Variants in PRDM16 observed in about 807,000 individuals in gnomAD.
PRDM16 encodes the protein PR/SET domain 16, also known as histone-lysine N-methyltransferase PRDM16.
In PRDM16, 23 loss-of-function variants were observed where a neutral mutation model predicts 110.6. The ratio of observed to expected loss-of-function variants is 0.21; its 90% CI spans 0.15 to 0.29. The LOEUF is 0.29. Ranked by LOEUF, PRDM16 falls within the 10% of genes least tolerant of loss-of-function variation. The pLI is 1.00. For missense variants in PRDM16, 1,615 were observed against 1,794.3 expected (o/e 0.90, Z 1.81); for synonymous variants, 799 against 781.8 (o/e 1.02, Z -0.37).
intron 2 of PRDM16, among the ~76,000 whole-genome samples, chr1:3,240,727 G>A (rs183996699): frequency 3.3e-5 from 5 of 152,322 alleles, no homozygotes; most frequent in Admixed American, 3.3e-4. Context: ...CTGGGGCGGC[G>A]CCAGAACTCC....
intron 3 of PRDM16, among the ~76,000 whole-genome samples, chr1:3,365,925 CGCACACATGCACACAAACGCACACGCAT>C (rs1448200777): frequency 3.3e-5 from 4 of 123,062 alleles, no homozygotes; most frequent in African/African-American, 1.5e-4. Flanking sequence ...CATACACACA[CGCACACATGCACACAAACGCACACGCAT>C]GCACACATGC....
At chr1:3,368,919 A>T (rs140566685) in intron 3 of PRDM16, among the ~76,000 whole-genome samples, 22 of 152,380 alleles carry the variant, frequency 1.4e-4, no homozygotes, top group African/African-American at 4.6e-4. Flanking sequence ...AATTCCGGGT[A>T]ATCGGCCGCA....
chr1:3,328,056 G>A (rs1641956483), intron 3 of PRDM16, among the ~76,000 whole-genome samples: 1 of 152,358 alleles, frequency 6.6e-6, no homozygotes, highest in East Asian at 1.9e-4. Flanking sequence ...AGACCTGGGG[G>A]ACTCGGGCTG....
chr1:3,356,301 G>T (rs1372324173), intron 3 of PRDM16, among the ~76,000 whole-genome samples: 6 of 152,180 alleles, frequency 3.9e-5, no homozygotes, highest in African/African-American at 1.4e-4. Context: ...ATCTCTAAAG[G>T]TGACAGTGCC....
intron 5 of PRDM16, among the ~76,000 whole-genome samples, chr1:3,401,549 T>C (rs1034596390): frequency 7.3e-6 from 1 of 136,804 alleles, no homozygotes; most frequent in Non-Finnish European, 1.7e-5. Flanking sequence ...TACAAGCATG[T>C]GTACACATAT....
intron 4 of PRDM16, chr1:3,394,417 C>G (rs1303231874): frequency 1.6e-5 from 7 of 447,266 alleles, no homozygotes; most frequent in Non-Finnish European, 3.1e-5. Flanking sequence ...GGAGCGGAGC[C>G]GAGAAGCAGG....
intron 1 of PRDM16, among the ~76,000 whole-genome samples, chr1:3,091,492 C>T (rs570877602): frequency 2.6e-4 from 40 of 152,340 alleles, no homozygotes; most frequent in South Asian, 2.1e-3. Flanking sequence ...GGGGTTGGGC[C>T]GAATCCACTC....
rs367915370 is a variant in PRDM16 at position 3,255,877 on chromosome 1, C to T, written c.438+11740C>T. 6.8e-5 allele frequency among the ~76,000 whole-genome samples: 10 copies of T among 147,920 alleles called. No homozygotes were observed. The highest frequency in any genetic ancestry group is 3.9e-4 in the East Asian group (2 of 5,124). ...CGACACCCGAAGCCAACCCCGTGGC[C>T]GCACTGACACCCGAAGCCAACCCCG... On this transcript the variant is annotated intron_variant, in intron 3 of 16. Coordinates refer to ENST00000270722, the MANE Select transcript of PRDM16 (RefSeq NM_022114.4). This position sits in a 1 kb window ranked among gnomAD's most constrained non-coding sequence, Gnocchi z 4.7.
rs984874516 is a variant in PRDM16, at chr1:3,209,672, G to T, written c.387+23198G>T. Among the ~76,000 whole-genome samples, 1 of 152,188 alleles carries T rather than the reference G, an allele frequency of 6.6e-6. No homozygotes were observed. Among genetic ancestry groups the T allele is most frequent in the Non-Finnish European group, 1.5e-5 (1 of 68,040 alleles). ...CCACAAATGCCACCTCCTGCTTCTG[G>T]AGAGGTTTAGTTGTCAACGGCCACC... On this transcript the variant is annotated intron_variant, in intron 2 of 16. Coordinates refer to ENST00000270722, the MANE Select transcript of PRDM16 (RefSeq NM_022114.4). The surrounding 1 kb of genome is among the most constrained non-coding windows in gnomAD (Gnocchi z 4.6).
chr1:3,070,821 G>C (rs1570191718), intron 1 of PRDM16, among the ~76,000 whole-genome samples: 1 of 152,298 alleles, frequency 6.6e-6, no homozygotes, highest in South Asian at 2.1e-4. Context: ...CCGAGTTTGT[G>C]CCGGACGCTC....
At chr1:3,146,275 G>C (rs74808770) in intron 1 of PRDM16, among the ~76,000 whole-genome samples, 2,298 of 152,320 alleles carry the variant, frequency 0.015, 103 homozygotes, top group East Asian at 0.12. Context: ...GGGTGGGGGG[G>C]GCCTCCCCGC....
intron 1 of PRDM16, among the ~76,000 whole-genome samples, chr1:3,100,054 TGA>T (rs1397312933): frequency 6.6e-6 from 1 of 152,112 alleles, no homozygotes; most frequent in Non-Finnish European, 1.5e-5. Flanking sequence ...CCCTGTCCTC[TGA>T]GGGGCGTGGA....
intron 3 of PRDM16, among the ~76,000 whole-genome samples, chr1:3,335,042 C>G (rs1642116222): frequency 6.6e-6 from 1 of 152,228 alleles, no homozygotes. Context: ...AAGGGCACAG[C>G]CAGAGAGGAC....
chr1:3,241,007 G>C (rs989574369), intron 2 of PRDM16, among the ~76,000 whole-genome samples: 1 of 152,248 alleles, frequency 6.6e-6, no homozygotes, highest in Non-Finnish European at 1.5e-5. Flanking sequence ...CCAGCGGCGC[G>C]TGTGCTGAGG....
intron 2 of PRDM16, among the ~76,000 whole-genome samples, chr1:3,198,884 T>C (rs1638548658): frequency 6.6e-6 from 1 of 152,210 alleles, no homozygotes; most frequent in Non-Finnish European, 1.5e-5. Context: ...TCCGTTCCCA[T>C]TTAGATCTCT....
chr1:3,076,366 C>T (rs1009201132), intron 1 of PRDM16, among the ~76,000 whole-genome samples: 1 of 152,070 alleles, frequency 6.6e-6, no homozygotes, highest in Non-Finnish European at 1.5e-5. Flanking sequence ...TCTGTTGGGG[C>T]GGGGAGATGA....
intron 12 of PRDM16, among the ~76,000 whole-genome samples, chr1:3,419,228 C>T (rs1436857297): frequency 6.6e-6 from 1 of 152,202 alleles, no homozygotes; most frequent in Non-Finnish European, 1.5e-5. Flanking sequence ...CGGGTCCCCA[C>T]CCCCCACTTG....
At chr1:3,310,635 C>T (rs113494848) in intron 3 of PRDM16, among the ~76,000 whole-genome samples, 6 of 152,208 alleles carry the variant, frequency 3.9e-5, no homozygotes, top group African/African-American at 1.2e-4. Flanking sequence ...CCAGCAAGCA[C>T]GTCTCAACCA....
chr1:3,344,427 C>G (rs1642326107), intron 3 of PRDM16, among the ~76,000 whole-genome samples: 1 of 152,146 alleles, frequency 6.6e-6, no homozygotes, highest in African/African-American at 2.4e-5. Flanking sequence ...GGCATTTCCC[C>G]TCTGTTAGTT....
Sources: gnomAD v4.1 joint callset for allele counts (sites outside exome capture counted in the v4.1 genomes callset) on GRCh38, gnomAD v4.1.1 for gene constraint, Gnocchi (gnomAD v3.1) non-coding constraint, MANE v1.5 for transcripts, NCBI Gene and HGNC (gene_info 2026-07-23, HGNC 2026-07-21) for gene names.